Variants in PIP5K1B observed in about 807,000 individuals in gnomAD.
PIP5K1B encodes the protein phosphatidylinositol-4-phosphate 5-kinase type 1 beta.
PIP5K1B carries 42 observed loss-of-function variants against 67.0 expected under a neutral mutation model. That is an observed-to-expected ratio of 0.63 (90% confidence interval 0.49 to 0.81). The LOEUF (loss-of-function observed/expected upper bound fraction) is 0.81. Among genes scored for constraint, PIP5K1B ranks in the 30% least tolerant of loss-of-function variants. PIP5K1B has a pLI of 0.00. For missense variants in PIP5K1B, 459 were observed against 646.3 expected, an observed-to-expected ratio of 0.71 and a Z score of 3.14; for synonymous variants, 214 against 231.4, an observed-to-expected ratio of 0.92 and a Z score of 0.68.
At chr9:68,983,495 A>G (rs556919273) in intron 14 of PIP5K1B, among the ~76,000 whole-genome samples, 4 of 152,020 alleles carry the variant, frequency 2.6e-5, no homozygotes, top group Non-Finnish European at 4.4e-5. Flanking sequence ...TGACCAACAT[A>G]ATACATATTT....
At chr9:68,747,171 G>T (rs1009546993) in intron 2 of PIP5K1B, among the ~76,000 whole-genome samples, 9 of 150,706 alleles carry the variant, frequency 6.0e-5, no homozygotes, top group African/African-American at 1.7e-4. Context: ...TCCGTATAAG[G>T]CCCTGGGGGC....
chr9:68,865,936 A>G (rs1467075310), intron 5 of PIP5K1B, among the ~76,000 whole-genome samples: 2 of 152,244 alleles, frequency 1.3e-5, no homozygotes, highest in Non-Finnish European at 2.9e-5. Context: ...TGGAGTTATT[A>G]CACGACTCTT....
At chr9:68,984,082 A>G (rs1054655591) in intron 14 of PIP5K1B, among the ~76,000 whole-genome samples, 1 of 152,108 alleles carries the variant, frequency 6.6e-6, no homozygotes, top group African/African-American at 2.4e-5. Context: ...ATAACTAAAT[A>G]TTTGCATCCT....
chr9:68,993,070 G>A (rs572148940), intron 15 of PIP5K1B, among the ~76,000 whole-genome samples: 7 of 151,898 alleles, frequency 4.6e-5, no homozygotes, highest in Admixed American at 3.9e-4. Flanking sequence ...GCTGGGGCAG[G>A]AGAATGGCGT....
intron 2 of PIP5K1B, among the ~76,000 whole-genome samples, chr9:68,768,928 C>T (rs916506205): frequency 6.6e-6 from 1 of 152,186 alleles, no homozygotes; most frequent in African/African-American, 2.4e-5. Context: ...AGTAAAGATA[C>T]TGGGCAAACC....
chr9:68,838,584 T>A (rs1272618147), intron 4 of PIP5K1B, among the ~76,000 whole-genome samples: 3 of 152,142 alleles, frequency 2.0e-5, no homozygotes, highest in South Asian at 4.1e-4. Context: ...AAAACTTTTT[T>A]AAAAATCATA....
chr9:68,765,867 T>C (rs1175240129), intron 2 of PIP5K1B, among the ~76,000 whole-genome samples: 1 of 152,202 alleles, frequency 6.6e-6, no homozygotes, highest in Admixed American at 6.5e-5. Flanking sequence ...TCAAGGGTGA[T>C]GTGTTTACAA....
intron 6 of PIP5K1B, among the ~76,000 whole-genome samples, chr9:68,880,594 CACACACACACACACACACACACGCAT>C (rs1564202542): frequency 2.7e-3 from 247 of 90,076 alleles, no homozygotes; most frequent in African/African-American, 9.5e-3. Context: ...CACACGCATA[CACACACACACACACACACACACGCAT>C]ACACACACAC....
chr9:68,966,318 C>T (rs1373532607), intron 14 of PIP5K1B, among the ~76,000 whole-genome samples: 1 of 152,120 alleles, frequency 6.6e-6, no homozygotes, highest in Non-Finnish European at 1.5e-5. Context: ...CCAAAAAGTA[C>T]AGCATGGAAA....
intron 8 of PIP5K1B, among the ~76,000 whole-genome samples, chr9:68,907,264 C>T (rs908149392): frequency 2.0e-5 from 3 of 152,112 alleles, no homozygotes; most frequent in African/African-American, 7.2e-5. Flanking sequence ...GTCCTTGTCC[C>T]ATGTGGACAC....
chr9:68,755,660 T>C (rs1829889580), intron 2 of PIP5K1B, among the ~76,000 whole-genome samples: 1 of 152,254 alleles, frequency 6.6e-6, no homozygotes, highest in African/African-American at 2.4e-5. Context: ...ACTGTCCTTT[T>C]ATCTAAACAT....
chr9:68,746,170 C>G (rs1250713558), intron 2 of PIP5K1B, among the ~76,000 whole-genome samples: 1 of 151,252 alleles, frequency 6.6e-6, no homozygotes, highest in Non-Finnish European at 1.5e-5. Context: ...CCTCCACCTC[C>G]CGGGTTCATG....
intron 14 of PIP5K1B, among the ~76,000 whole-genome samples, chr9:68,956,032 G>T (rs1168555077): frequency 1.3e-5 from 2 of 152,114 alleles, no homozygotes; most frequent in Admixed American, 1.3e-4. Flanking sequence ...TTATTGCCAA[G>T]GTCATTGTGT....
At chr9:68,970,949 G>A (rs997800198) in intron 14 of PIP5K1B, among the ~76,000 whole-genome samples, 14 of 152,116 alleles carry the variant, frequency 9.2e-5, no homozygotes, top group Admixed American at 5.9e-4. Context: ...GTCAAATTTT[G>A]CAAGCCAGTT....
chr9:68,735,192 A>G (rs2132300068), intron 1 of PIP5K1B, among the ~76,000 whole-genome samples: 1 of 152,042 alleles, frequency 6.6e-6, no homozygotes, highest in East Asian at 1.9e-4. Context: ...GAATTCTTAT[A>G]TACCCCATAC....
chr9:68,824,256 T>C, intron 4 of PIP5K1B: 1 of 518,750 alleles, frequency 1.9e-6, no homozygotes, highest in Non-Finnish European at 3.8e-6. Context: ...CTGAAATTCT[T>C]GACCAAATTC....
At chr9:68,749,915 A>T (rs1233504991) in intron 2 of PIP5K1B, among the ~76,000 whole-genome samples, 1 of 152,240 alleles carries the variant, frequency 6.6e-6, no homozygotes, top group Non-Finnish European at 1.5e-5. Context: ...CAAATTAAGT[A>T]CAGCTTAATC....
chr9:68,918,242 A>G lies in PIP5K1B; in HGVS notation c.983+483A>G, dbSNP rs144697367. Among the ~76,000 whole-genome samples the G allele has an allele frequency of 2.5e-3, 374 of 152,024 alleles. 2 individuals carry two copies. The highest frequency in any genetic ancestry group is 8.7e-3 in the African/African-American group (361 of 41,464). On this transcript the variant is annotated intron_variant, in intron 9 of 15. Coordinates refer to ENST00000265382, the MANE Select transcript of PIP5K1B (RefSeq NM_003558.4). ...GTAGCTGGAATTACAAACATGCACC[A>G]CTACACCTGGCTAATTTTTGTATTT... is the stretch of plus-strand genomic sequence containing the variant.
chr9:68,866,905 C>A (rs768983047), intron 5 of PIP5K1B, among the ~76,000 whole-genome samples: 5 of 151,792 alleles, frequency 3.3e-5, no homozygotes, highest in African/African-American at 7.3e-5. Flanking sequence ...GGTGGGTACT[C>A]GAATTAAAAA....
Sources: gnomAD v4.1 joint callset for allele counts (sites outside exome capture counted in the v4.1 genomes callset) on GRCh38, gnomAD v4.1.1 for gene constraint, MANE v1.5 for transcripts, NCBI Gene and HGNC (gene_info 2026-07-23, HGNC 2026-07-21) for gene names.